The following UTP20 variants were observed in gnomAD, a reference collection of about 807,000 sequenced individuals.
UTP20 encodes UTP20 small subunit processome component.
UTP20 carries 164 observed loss-of-function variants against 329.5 expected under a neutral mutation model. The observed-to-expected ratio is 0.50, with a 90% CI of 0.44 to 0.57. The LOEUF (loss-of-function observed/expected upper bound fraction) is 0.57. Ranked by LOEUF, UTP20 falls within the 20% of genes least tolerant of loss-of-function variation. The pLI is 0.00. For synonymous variants in UTP20, 1,151 were observed against 1,159.3 expected, an observed-to-expected ratio of 0.99 and a Z score of 0.14; for missense variants, 3,055 against 3,284.2, an observed-to-expected ratio of 0.93 and a Z score of 1.71.
intron 29 of UTP20, among the ~76,000 whole-genome samples, chr12:101,335,896 G>C (rs548057240): frequency 4.1e-4 from 63 of 152,198 alleles, no homozygotes; most frequent in African/African-American, 1.4e-3. Flanking sequence ...ATTTGTAAGC[G>C]ACACTTCATA....
chr12:101,353,212 C>T, intron 40 of UTP20, 83 bp downstream of exon 40: 1 of 889,048 alleles, frequency 1.1e-6, no homozygotes, highest in Non-Finnish European at 1.7e-6. Flanking sequence ...TGGTGACATT[C>T]AACTTATTCC....
At position 101,290,742 on chromosome 12, in the gene UTP20, C is replaced by A; in HGVS notation, c.745C>A (p.Leu249Ile). 1 of 1,604,978 alleles carries A rather than the reference C, an allele frequency of 6.2e-7. No homozygotes were observed. Among genetic ancestry groups the A allele is most frequent in the South Asian group, 1.1e-5 (1 of 88,574 alleles). ...FHSCTGQAVK[L>I]ILRKLGPVTE... Reference sequence around the variant, plus strand: ...ACTTGTATTCCCACAGGCAGTGAAGCTAATTTTGCGAAAGCTAGGACCAGT... The same window carrying A: ...ACTTGTATTCCCACAGGCAGTGAAGATAATTTTGCGAAAGCTAGGACCAGT... The change falls in exon 8 of 62, where the codon CTA becomes ATA. Residue 249 changes from leucine (L) to isoleucine (I), a missense_variant. This residue lies in a region of UTP20 where 2,445 missense variants were observed against 2,575.5 expected (regional missense o/e 0.95). Transcript: ENST00000261637.
intron 32 of UTP20, 115 bp from the exon 33 acceptor site, chr12:101,342,331 A>G (rs1476619766): frequency 4.8e-6 from 4 of 834,430 alleles, no homozygotes; most frequent in Admixed American, 3.5e-5. Flanking sequence ...AATTTTTCCA[A>G]TTACTACTTT....
chr12:101,346,590 T>C lies in UTP20; in HGVS notation c.4884+2T>C, dbSNP rs1486660654. On this transcript the variant is annotated splice_donor_variant, in intron 38 of 61. Coordinates refer to ENST00000261637, the MANE Select transcript of UTP20 (RefSeq NM_014503.3). LOFTEE classifies it high-confidence loss of function. ...ATTTTTGATGAGAAAATGCTCAAGG[T>C]AGGTCATTAGATCTAGAAACCAAGG... is the stretch of plus-strand genomic sequence containing the variant. The C allele has an allele frequency of 6.3e-7, 1 of 1,584,196 alleles. No homozygotes were observed. The highest frequency in any genetic ancestry group is 8.6e-7 in the Non-Finnish European group (1 of 1,168,916).
intron 2 of UTP20, among the ~76,000 whole-genome samples, chr12:101,282,624 G>A (rs1871837597): frequency 6.6e-6 from 1 of 152,192 alleles, no homozygotes; most frequent in African/African-American, 2.4e-5. Context: ...CTGTAAGCAG[G>A]GGAATGAATG....
chr12:101,385,097 CAAAAA>C (rs35335261), intron 60 of UTP20, among the ~76,000 whole-genome samples: 3 of 114,120 alleles, frequency 2.6e-5, no homozygotes, highest in Admixed American at 9.6e-5. Flanking sequence ...ACTCCCCCGC[CAAAAA>C]AAAAAAAAAA....
intron 21 of UTP20, among the ~76,000 whole-genome samples, chr12:101,313,946 C>T (rs1368729080): frequency 1.3e-5 from 2 of 152,074 alleles, no homozygotes; most frequent in Non-Finnish European, 2.9e-5. Flanking sequence ...TGTAGAGAGG[C>T]ATTTAATTTA....
chr12:101,280,801 G>A (rs572625276), intron 1 of UTP20, among the ~76,000 whole-genome samples: 1 of 152,278 alleles, frequency 6.6e-6, no homozygotes, highest in East Asian at 1.9e-4. Flanking sequence ...GACTTTGCTA[G>A]GTCCCCATGC....
At position 101,293,252 on chromosome 12, in the gene UTP20, A is replaced by G. The variant is rs754642753; in HGVS notation, c.1251+7A>G. ...CATGAAGCAGTTTGAGCAGGTAAGCAAGTTACTAAGTTCGGAGTATTTTTA... is the reference window on the plus strand; with the variant it reads ...CATGAAGCAGTTTGAGCAGGTAAGCGAGTTACTAAGTTCGGAGTATTTTTA... On this transcript the variant is annotated splice_region_variant and intron_variant, in intron 11 of 61. Coordinates refer to ENST00000261637, the MANE Select transcript of UTP20 (RefSeq NM_014503.3). 6.2e-7 allele frequency: 1 copy of G among 1,612,446 alleles called. No individual in the cohort carries two copies. The highest frequency in any genetic ancestry group is 8.5e-7 in the Non-Finnish European group (1 of 1,178,776).
intron 60 of UTP20, among the ~76,000 whole-genome samples, chr12:101,384,007 GT>G (rs1006427830): frequency 6.8e-6 from 1 of 147,374 alleles, no homozygotes; most frequent in African/African-American, 2.4e-5. Context: ...CCCAGCCAGA[GT>G]TTATTTTTAA....
intron 51 of UTP20, 131 bp downstream of exon 51, chr12:101,371,299 G>A (rs186348044): frequency 1.9e-4 from 129 of 668,458 alleles, no homozygotes; most frequent in African/African-American, 1.4e-3. Flanking sequence ...AGACTTGGGC[G>A]TCCTGGTGCA....
rs1870109760 is a variant in UTP20 at position 101,366,814 on chromosome 12, AT to A, written c.6267+119del. 3.7e-6 allele frequency: 5 copies of A among 1,351,846 alleles called. No individual in the cohort carries two copies. The African/African-American group carries it at 7.4e-5, about 20-fold the overall frequency. The allele number at this position is 1,351,846 out of a possible 1,614,324, so 83.7% of individuals were successfully genotyped here. On this transcript the variant is annotated intron_variant, in intron 47 of 61. Coordinates refer to ENST00000261637, the MANE Select transcript of UTP20 (RefSeq NM_014503.3). The stretch of plus-strand genomic sequence containing the variant: ...ATTGGAAATGCCTTACTGTAAATAC[AT>A]TTTAGATTTTTTTTTTTTACAGGTG...
chr12:101,380,863 TAAAAAAAAAA>T (rs35235306), intron 57 of UTP20, among the ~76,000 whole-genome samples: 1 of 115,148 alleles, frequency 8.7e-6, no homozygotes, highest in East Asian at 2.6e-4. Flanking sequence ...GACTCTGTCT[TAAAAAAAAAA>T]AAAAAAAAAA....
intron 31 of UTP20, among the ~76,000 whole-genome samples, chr12:101,339,682 G>C (rs1037560476): frequency 6.6e-6 from 1 of 152,096 alleles, no homozygotes; most frequent in African/African-American, 2.4e-5. Context: ...ATCTCACAAG[G>C]GTTGTTAAAG....
chr12:101,371,523 C>CTTT (rs58024998), intron 51 of UTP20, among the ~76,000 whole-genome samples: 7 of 65,390 alleles, frequency 1.1e-4, no homozygotes, highest in Non-Finnish European at 1.5e-4. Flanking sequence ...GGGCTTTGTT[C>CTTT]TTTTTTTTTT....
chr12:101,363,960 T>C (rs193287261), intron 45 of UTP20, among the ~76,000 whole-genome samples: 1 of 152,234 alleles, frequency 6.6e-6, no homozygotes, highest in African/African-American at 2.4e-5. Context: ...GCAACAAGAA[T>C]TGAGTGCAGG....
intron 38 of UTP20, among the ~76,000 whole-genome samples, chr12:101,351,337 G>T (rs932332180): frequency 3.9e-5 from 6 of 152,066 alleles, no homozygotes; most frequent in Non-Finnish European, 8.8e-5. Context: ...ATGTTGGTCA[G>T]GCTGGTCTTG....
chr12:101,377,885 T>G (rs956325619), intron 56 of UTP20, among the ~76,000 whole-genome samples: 1 of 152,212 alleles, frequency 6.6e-6, no homozygotes, highest in Non-Finnish European at 1.5e-5. Flanking sequence ...TGCTGCCTCC[T>G]AAGAACTTTG....
chr12:101,365,021 G>GGA (rs1870046111), intron 45 of UTP20, among the ~76,000 whole-genome samples: 1 of 151,372 alleles, frequency 6.6e-6, no homozygotes, highest in African/African-American at 2.4e-5. Context: ...CTTGGCCATA[G>GGA]TAGCACTTCA....
Sources: allele counts gnomAD v4.1 joint callset (sites outside exome capture counted in the v4.1 genomes callset), GRCh38; gene constraint gnomAD v4.1.1; regional missense constraint gnomAD v4.1.1; transcripts MANE v1.5; gene names NCBI Gene and HGNC (gene_info 2026-07-23, HGNC 2026-07-21).